Variants in GULP1 observed in about 807,000 individuals in gnomAD.
GULP1 encodes the protein GULP PTB domain containing engulfment adaptor 1.
Under a neutral mutation model 40.9 loss-of-function variants are expected in GULP1, and 19 were observed. The ratio of observed to expected loss-of-function variants is 0.46; its 90% CI spans 0.32 to 0.68. GULP1 has a LOEUF of 0.68. GULP1 is among the 30% of genes least tolerant of loss of function. GULP1 has a pLI of 0.03. For missense variants in GULP1, 312 were observed against 362.2 expected, an observed-to-expected ratio of 0.86 and a Z score of 1.12; for synonymous variants, 119 against 117.6, an observed-to-expected ratio of 1.01 and a Z score of -0.08.
chr2:188,561,433 G>A (rs1396239419), intron 7 of GULP1, among the ~76,000 whole-genome samples: 1 of 152,156 alleles, frequency 6.6e-6, no homozygotes, highest in African/African-American at 2.4e-5. Context: ...GGCTGGGTGA[G>A]CCAGTCTTCA....
intron 7 of GULP1, among the ~76,000 whole-genome samples, chr2:188,565,232 A>T (rs1697359351): frequency 6.6e-6 from 1 of 152,014 alleles, no homozygotes; most frequent in African/African-American, 2.4e-5. Context: ...TTTTCTGTTA[A>T]TCTATAAACA....
Position 188,372,958 on chromosome 2 carries a change from C to T in GULP1, c.-171-10805C>T, listed in dbSNP as rs148897557. ...CCCTTCTGCGTTTTATCCTTCTATCCAAGAATAGGCTGAAGAGAAAGATGT... is the reference window on the plus strand; with the variant it reads ...CCCTTCTGCGTTTTATCCTTCTATCTAAGAATAGGCTGAAGAGAAAGATGT... On this transcript the variant is annotated intron_variant, in intron 1 of 11. Transcript: ENST00000409830. Among the ~76,000 whole-genome samples, 38 of 151,932 alleles carry T rather than the reference C, an allele frequency of 2.5e-4. No individual in the cohort carries two copies. In the East Asian group the frequency reaches 7.1e-3, roughly 29 times the overall value.
chr2:188,425,543 C>T (rs1335329066), intron 2 of GULP1, among the ~76,000 whole-genome samples: 1 of 152,096 alleles, frequency 6.6e-6, no homozygotes, highest in Non-Finnish European at 1.5e-5. Flanking sequence ...TGTATTTACA[C>T]AGCTTGTTCT....
chr2:188,558,288 T>C (rs1239073862), intron 7 of GULP1, among the ~76,000 whole-genome samples: 1 of 152,184 alleles, frequency 6.6e-6, no homozygotes, highest in African/African-American at 2.4e-5. Flanking sequence ...CCCCATACTA[T>C]TCTCATGGTA....
intron 7 of GULP1, among the ~76,000 whole-genome samples, chr2:188,542,761 GT>G (rs1019781908): frequency 1.9e-4 from 29 of 152,104 alleles, no homozygotes; most frequent in African/African-American, 5.5e-4. Flanking sequence ...TATTTCAAGT[GT>G]TTTTTAACCA....
intron 1 of GULP1, among the ~76,000 whole-genome samples, chr2:188,323,967 T>C (rs1224271569): frequency 6.6e-6 from 1 of 152,036 alleles, no homozygotes; most frequent in Non-Finnish European, 1.5e-5. Flanking sequence ...TGTGAAAAGT[T>C]TTATTAATTT....
intron 1 of GULP1, among the ~76,000 whole-genome samples, chr2:188,306,398 T>A (rs2037097881): frequency 6.6e-6 from 1 of 152,198 alleles, no homozygotes; most frequent in Non-Finnish European, 1.5e-5. Context: ...AATTTCATCA[T>A]TTTGTCTTTC....
chr2:188,532,224 T>C (rs1187750435), intron 6 of GULP1, among the ~76,000 whole-genome samples: 1 of 152,250 alleles, frequency 6.6e-6, no homozygotes, highest in Non-Finnish European at 1.5e-5. Flanking sequence ...TCTTCTATTA[T>C]TGAACATATG....
chr2:188,495,571 G>A (rs2062820427), intron 4 of GULP1, among the ~76,000 whole-genome samples: 2 of 152,046 alleles, frequency 1.3e-5, no homozygotes, highest in South Asian at 4.1e-4. Context: ...TGGGAAGGCT[G>A]TGTACTATAA....
intron 1 of GULP1, among the ~76,000 whole-genome samples, chr2:188,375,580 CTT>C (rs2048194148): frequency 6.6e-6 from 1 of 152,146 alleles, no homozygotes; most frequent in Non-Finnish European, 1.5e-5. Flanking sequence ...GACTTGCTCT[CTT>C]TTCATTAATA....
rs768603281 is a variant in GULP1, at chr2:188,533,556, G to A, written c.261+4361G>A. Among the ~76,000 whole-genome samples the A allele has an allele frequency of 4.6e-5, 7 of 152,138 alleles. 1 individual carries two copies. The highest frequency in any genetic ancestry group is 1.9e-4 in the East Asian group (1 of 5,178). Reference sequence around the variant, plus strand: ...AAGAAAACCTAGGAAACACCATTCCGGACATTGCCCTTGGGAAAGAATTGA... The same window carrying A: ...AAGAAAACCTAGGAAACACCATTCCAGACATTGCCCTTGGGAAAGAATTGA... On this transcript the variant is annotated intron_variant, in intron 6 of 11. Transcript: ENST00000409830.
intron 6 of GULP1, among the ~76,000 whole-genome samples, chr2:188,532,543 G>A (rs939227325): frequency 1.3e-5 from 2 of 152,094 alleles, no homozygotes; most frequent in Non-Finnish European, 2.9e-5. Flanking sequence ...AAGAGTATAT[G>A]GGTATGCATT....
chr2:188,442,586 C>T (rs761111146), intron 2 of GULP1, among the ~76,000 whole-genome samples: 1 of 152,174 alleles, frequency 6.6e-6, no homozygotes, highest in Admixed American at 6.5e-5. Context: ...TACTGAGATG[C>T]TTTTGGGAAA....
chr2:188,539,939 T>C (rs1690007543), intron 6 of GULP1, among the ~76,000 whole-genome samples: 1 of 152,114 alleles, frequency 6.6e-6, no homozygotes, highest in Non-Finnish European at 1.5e-5. Flanking sequence ...TGTAAATTTT[T>C]ATAGCAAGCA....
intron 6 of GULP1, among the ~76,000 whole-genome samples, chr2:188,537,259 G>T (rs1265839082): frequency 6.6e-6 from 1 of 151,892 alleles, no homozygotes; most frequent in Non-Finnish European, 1.5e-5. Context: ...TCCTTGTCTT[G>T]TTCCAGTTCT....
chr2:188,582,340 G>A lies in GULP1; in HGVS notation c.610-1925G>A, dbSNP rs1262144076. 8.5e-6 allele frequency: 4 copies of A among 470,618 alleles called. No homozygotes were observed. The Admixed American group carries it at 9.4e-5, about 11-fold the overall frequency. 29.2% of individuals were successfully genotyped at this position (470,618 alleles called of 1,614,324 possible). A position where few individuals can be genotyped will look rare whatever the true frequency, so the allele number is the denominator to read the frequency against. On this transcript the variant is annotated intron_variant, in intron 9 of 11. Coordinates refer to ENST00000409830, the MANE Select transcript of GULP1 (RefSeq NM_016315.4). ...TTTCTTTTTCTGTCATTCCTTTACA[G>A]CTGCTGCACAATATGTCTGATCATG... is the stretch of plus-strand genomic sequence containing the variant.
At chr2:188,554,984 C>T (rs972042793) in intron 7 of GULP1, among the ~76,000 whole-genome samples, 1 of 151,890 alleles carries the variant, frequency 6.6e-6, no homozygotes, top group Non-Finnish European at 1.5e-5. Context: ...TGGTTTTCAT[C>T]TGTGTAGAAT....
At chr2:188,530,033 G>T (rs78380093) in intron 6 of GULP1, among the ~76,000 whole-genome samples, 1,666 of 152,256 alleles carry the variant, frequency 0.011, 38 homozygotes, top group African/African-American at 0.038. Context: ...CAACTCACCT[G>T]ATTGGCTATA....
intron 11 of GULP1, chr2:188,590,413 A>G (rs1048517065): frequency 6.6e-6 from 1 of 152,216 alleles, no homozygotes; most frequent in Non-Finnish European, 1.5e-5. Flanking sequence ...ACATTTAGCT[A>G]TCTTTGCATA....
Sources: allele counts gnomAD v4.1 joint callset (sites outside exome capture counted in the v4.1 genomes callset), GRCh38; gene constraint gnomAD v4.1.1; transcripts MANE v1.5; gene names NCBI Gene and HGNC (gene_info 2026-07-23, HGNC 2026-07-21).